The following HLA-DQA1 variants were observed in gnomAD, a reference collection of about 807,000 sequenced individuals.
HLA-DQA1 encodes the protein HLA class II histocompatibility antigen, DQ alpha 1 chain.
In HLA-DQA1, 10 loss-of-function variants were observed where a neutral mutation model predicts 20.7. That is an observed-to-expected ratio of 0.48 (90% CI 0.30 to 0.82). HLA-DQA1 has a LOEUF of 0.82. Among genes scored for constraint, HLA-DQA1 ranks in the 40% least tolerant of loss-of-function variants. The pLI is 0.07. For synonymous variants in HLA-DQA1, 39 were observed against 109.2 expected (o/e 0.36, Z 4.01); for missense variants, 127 against 293.0 (o/e 0.43, Z 4.14).
downstream of HLA-DQA1, among the ~76,000 whole-genome samples, chr6:32,649,265 A>C (rs1247219558): frequency 2.0e-5 from 2 of 97,880 alleles, 1 homozygote; most frequent in African/African-American, 7.0e-5. Flanking sequence ...CTTTCTTCAC[A>C]GAATTGGAAA....
chr6:32,642,503 C>G lies in HLA-DQA1; in HGVS notation c.614-107C>G. ...GATAGACTTCACTCTTCTCCCTAAG[C>G]CTGGGGCCTTGAGTCTTTGCAGAGC... On this transcript the variant is annotated intron_variant, in intron 3 of 4. Transcript: ENST00000343139. The G allele has an allele frequency of 2.6e-6, 2 of 756,456 alleles. 1 individual carries two copies. The highest frequency in any genetic ancestry group is 4.1e-6 in the Non-Finnish European group (2 of 491,678). 46.9% of individuals were successfully genotyped at this position (756,456 alleles called of 1,614,324 possible). A position where few individuals can be genotyped will look rare whatever the true frequency, so the allele number is the denominator to read the frequency against.
Position 32,637,484 on chromosome 6 carries a change from T to TG in HLA-DQA1, c.31dup (p.Ala11GlyfsTer14). ...ATGATCCTAAACAAAGCTCTGCTGC[T>TG]GGGGGCCCTCGCTCTGACCACCGTG... On this transcript the variant is annotated frameshift_variant, in exon 1 of 5. Coordinates refer to ENST00000343139, the MANE Select transcript of HLA-DQA1 (RefSeq NM_002122.5). LOFTEE classifies it high-confidence loss of function. 4 of 1,174,418 alleles carry TG rather than the reference T, an allele frequency of 3.4e-6. No individual in the cohort carries two copies. The highest frequency in any genetic ancestry group is 4.8e-6 in the Non-Finnish European group (4 of 841,556). The allele number at this position is 1,174,418 out of a possible 1,614,324, so 72.7% of individuals were successfully genotyped here. A position where few individuals can be genotyped will look rare whatever the true frequency, so the allele number is the denominator to read the frequency against.
At chr6:32,644,863 C>A (rs561671736), downstream of HLA-DQA1, 2 of 135,150 alleles carry the variant, frequency 1.5e-5, no homozygotes, top group African/African-American at 5.3e-5. Flanking sequence ...AGTGTTTATT[C>A]AAGGTATATC....
chr6:32,637,471 A>G lies in HLA-DQA1; in HGVS notation c.13A>G (p.Lys5Glu), dbSNP rs777374378. The G allele has an allele frequency of 1.6e-5, 19 of 1,174,782 alleles. 4 individuals are homozygous for G. 72.8% of individuals were successfully genotyped at this position (1,174,782 alleles called of 1,614,324 possible). The change falls in exon 1 of 5, where the codon AAA (lysine) becomes GAA (glutamate). Residue 5 changes from lysine to glutamate, a missense_variant. Transcript: ENST00000343139. MILN[K>E]ALLLGALALT... The stretch of plus-strand genomic sequence containing the variant: ...CCTTGGGAAGAGGATGATCCTAAAC[A>G]AAGCTCTGCTGCTGGGGGCCCTCGC...
downstream of HLA-DQA1, among the ~76,000 whole-genome samples, chr6:32,647,527 T>C (rs972867868): frequency 1.0e-5 from 1 of 98,260 alleles, no homozygotes; most frequent in African/African-American, 3.5e-5. Flanking sequence ...GTTGAAGTTT[T>C]CTACAATGCA....
At chr6:32,639,527 A>G in intron 1 of HLA-DQA1, 1 of 97,422 alleles carries the variant, frequency 1.0e-5, no homozygotes, top group African/African-American at 3.5e-5. Flanking sequence ...GTCATTCAAT[A>G]CACATGTTTG....
At chr6:32,638,223 T>G (rs1781037026) in intron 1 of HLA-DQA1, among the ~76,000 whole-genome samples, 1 of 105,924 alleles carries the variant, frequency 9.4e-6, no homozygotes. Context: ...ATATTTCTAT[T>G]ACAGATATAG....
chr6:32,645,858 TTGTGTGTGTGTGTGTG>T (rs9282055), downstream of HLA-DQA1: 6 of 67,516 alleles, frequency 8.9e-5, 2 homozygotes, highest in South Asian at 2.2e-3. Flanking sequence ...TTGTGTGCAT[TTGTGTGTGTGTGTGTG>T]TGTGTGTGTG....
At chr6:32,637,881 A>G (rs1781004533) in intron 1 of HLA-DQA1, among the ~76,000 whole-genome samples, 1 of 116,410 alleles carries the variant, frequency 8.6e-6, no homozygotes, top group Admixed American at 9.7e-5. Flanking sequence ...ATGAAGTGTC[A>G]TTCTCAAATT....
downstream of HLA-DQA1, chr6:32,646,552 C>T (rs1051226954): frequency 2.3e-4 from 21 of 93,152 alleles, 8 homozygotes; most frequent in Non-Finnish European, 4.8e-5. Flanking sequence ...CAGAGCAGGA[C>T]TCCATCTCTA....
downstream of HLA-DQA1, chr6:32,646,874 G>GAGAGAGAAAGAAGAGA (rs1554158134): frequency 2.2e-5 from 1 of 45,234 alleles, no homozygotes; most frequent in East Asian, 6.7e-4. Context: ...TCAAGAGAGA[G>GAGAGAGAAAGAAGAGA]AGAGAAGAGA....
At chr6:32,653,311 C>T in the HLA-DQA1 span, among the ~76,000 whole-genome samples, 4,229 of 76,078 alleles carry the variant, frequency 0.056, 1,440 homozygotes, top group South Asian at 0.33. Context: ...ACTCTGTCAC[C>T]CAGGCTGCAG....
chr6:32,643,156 A>C lies in HLA-DQA1; in HGVS notation c.*225A>C, dbSNP rs1246203644. On this transcript the variant is annotated 3_prime_UTR_variant, in exon 5 of 5. Coordinates refer to ENST00000343139, the MANE Select transcript of HLA-DQA1 (RefSeq NM_002122.5). Reference sequence around the variant, plus strand: ...CTCCTGATTTTTTTTTTCTTTTCTCAAATGTTACCTACAAAGACATGCCTG... The same window carrying C: ...CTCCTGATTTTTTTTTTCTTTTCTCCAATGTTACCTACAAAGACATGCCTG... 5.9e-6 allele frequency: 2 copies of C among 337,898 alleles called. No homozygotes were observed. The highest frequency in any genetic ancestry group is 2.6e-5 in the African/African-American group (1 of 38,812). 20.9% of individuals were successfully genotyped at this position (337,898 alleles called of 1,614,324 possible). A position where few individuals can be genotyped will look rare whatever the true frequency, so the allele number is the denominator to read the frequency against.
chr6:32,648,073 A>G (rs17843590), downstream of HLA-DQA1, among the ~76,000 whole-genome samples: 68,481 of 139,024 alleles, frequency 0.49, 17,973 homozygotes, highest in Middle Eastern at 0.65. Context: ...GCGTTTAGAG[A>G]TGGCTTGAAG....
the HLA-DQA1 span, among the ~76,000 whole-genome samples, chr6:32,654,293 C>T: frequency 0.22 from 10,168 of 45,472 alleles, 1,603 homozygotes; most frequent in Middle Eastern, 0.39. Context: ...TAGGCCCTGT[C>T]TCAAAAAAAA....
At chr6:32,655,202 T>C in the HLA-DQA1 span, among the ~76,000 whole-genome samples, 56,997 of 118,358 alleles carry the variant, frequency 0.48, 12,916 homozygotes, top group Middle Eastern at 0.61. Context: ...TTAACGAGTT[T>C]AAAATTTTTT....
downstream of HLA-DQA1, among the ~76,000 whole-genome samples, chr6:32,651,684 A>G (rs1782196692): frequency 1.1e-5 from 1 of 92,968 alleles, no homozygotes; most frequent in African/African-American, 3.7e-5. Flanking sequence ...TTACAGAGCT[A>G]GAGAGACCAA....
rs118073417 is a variant in HLA-DQA1 at position 32,638,140 on chromosome 6, C to T, written c.82+600C>T. ...CAGCTGCCTCATATGTGTCACCTCA[C>T]AAGTAATCAAATAAAATGGGCATGT... On this transcript the variant is annotated intron_variant, in intron 1 of 4. Coordinates refer to ENST00000343139, the MANE Select transcript of HLA-DQA1 (RefSeq NM_002122.5). 6.6e-4 allele frequency among the ~76,000 whole-genome samples: 82 copies of T among 125,018 alleles called. 9 individuals carry two copies. The East Asian group carries it at 0.015, about 23-fold the overall frequency. 82.0% of individuals were successfully genotyped at this position (125,018 alleles called of 152,430 possible). A position where few individuals can be genotyped will look rare whatever the true frequency, so the allele number is the denominator to read the frequency against.
At chr6:32,649,421 A>G (rs1782096187), downstream of HLA-DQA1, among the ~76,000 whole-genome samples, 2 of 97,508 alleles carry the variant, frequency 2.1e-5, 1 homozygote, top group African/African-American at 7.1e-5. Flanking sequence ...GCATCACGCT[A>G]CCTGACTTCA....
Sources: gnomAD v4.1 joint callset for allele counts (sites outside exome capture counted in the v4.1 genomes callset) on GRCh38, gnomAD v4.1.1 for gene constraint, MANE v1.5 for transcripts, NCBI Gene and HGNC (gene_info 2026-07-23, HGNC 2026-07-21) for gene names.